Variants in GGCX observed in about 807,000 individuals in gnomAD.
GGCX encodes vitamin K-dependent gamma-carboxylase.
A neutral mutation model predicts 88.5 loss-of-function variants in GGCX; 63 were observed. The ratio of observed to expected loss-of-function variants is 0.71; its 90% CI spans 0.58 to 0.88. GGCX has a LOEUF of 0.88. Among genes scored for constraint, GGCX ranks in the 40% least tolerant of loss-of-function variants. The probability of loss-of-function intolerance (pLI) is 0.00; values close to 1 mark genes in which losing one functional copy is unlikely to be tolerated. For synonymous variants in GGCX, 368 were observed against 365.8 expected (o/e 1.01, Z -0.07); for missense variants, 805 against 932.9 (o/e 0.86, Z 1.79).
chr2:85,555,140 C>A (rs1301906604), intron 6 of GGCX: 4 of 277,036 alleles, frequency 1.4e-5, no homozygotes, highest in African/African-American at 6.6e-5. Flanking sequence ...AGCTGCAGGG[C>A]TCTGATGGGA....
At position 85,548,562 on chromosome 2, in the gene GGCX, A is replaced by C. The variant is rs1573315297; in HGVS notation, c.*1372T>G. 6.6e-6 allele frequency: 1 copy of C among 152,232 alleles called. No individual in the cohort carries two copies. The highest frequency in any genetic ancestry group is 1.9e-4 in the East Asian group (1 of 5,196). 9.4% of individuals were successfully genotyped at this position (152,232 alleles called of 1,614,324 possible). ...GAAAGAACCCCCGGAACACTGTCCA[A>C]GGAGGAGTGGGGGAGAGTATGGGAA... On this transcript the variant is annotated 3_prime_UTR_variant, in exon 15 of 15. Coordinates refer to ENST00000233838, the MANE Select transcript of GGCX (RefSeq NM_000821.7).
chr2:85,550,620 T>G lies in GGCX; in HGVS notation c.2019A>C (p.Arg673=). ...AGAATCGCTCATGGAAAGGAGTATT[T>G]CGCCGGCGTTCAATCTCCTGGAGCC... ...QQRLQEIERR[R]NTPFHERFFR... Residue 673 remains arginine, a synonymous_variant, in exon 14 of 15, where the codon CGA becomes CGC. Transcript: ENST00000233838. The G allele has an allele frequency of 6.2e-7, 1 of 1,614,062 alleles. No individual in the cohort carries two copies. Among genetic ancestry groups the G allele is most frequent in the African/African-American group, 1.3e-5 (1 of 75,060 alleles).
At position 85,545,681 on chromosome 2, in the gene GGCX, T is replaced by G. The variant is rs1691625865; in HGVS notation, c.*4253A>C. The G allele has an allele frequency of 6.6e-6, 1 of 151,004 alleles. No individual in the cohort carries two copies. The highest frequency in any genetic ancestry group is 2.5e-5 in the African/African-American group (1 of 40,286). 9.4% of individuals were successfully genotyped at this position (151,004 alleles called of 1,614,324 possible). A position where few individuals can be genotyped will look rare whatever the true frequency, so the allele number is the denominator to read the frequency against. On this transcript the variant is annotated 3_prime_UTR_variant, in exon 15 of 15. Transcript: ENST00000233838. ...TCAATGCCATTTTTAAGTTTTCAAC[T>G]AAGGTTGAGGGCTTCAAACCATTGA...
Position 85,547,483 on chromosome 2 carries a change from T to TAACA in GGCX, c.*2447_*2450dup, listed in dbSNP as rs1271147049. The TAACA allele has an allele frequency of 7.9e-5, 12 of 152,206 alleles. No individual in the cohort carries two copies. The highest frequency in any genetic ancestry group is 2.2e-4 in the African/African-American group (9 of 41,464). The allele number at this position is 152,206 out of a possible 1,614,324, so 9.4% of individuals were successfully genotyped here. A position where few individuals can be genotyped will look rare whatever the true frequency, so the allele number is the denominator to read the frequency against. On this transcript the variant is annotated 3_prime_UTR_variant, in exon 15 of 15. Coordinates refer to ENST00000233838, the MANE Select transcript of GGCX (RefSeq NM_000821.7). ...AAAATTGGTCAGAGAGGTGGTATAC[T>TAACA]AACAGTTTGGGGAAGGGCAGCATCC... is the stretch of plus-strand genomic sequence containing the variant.
Position 85,549,947 on chromosome 2 carries a change from T to A in GGCX, c.2264A>T (p.His755Leu). 6.2e-7 allele frequency: 1 copy of A among 1,612,246 alleles called. No homozygotes were observed. Among genetic ancestry groups the A allele is most frequent in the Non-Finnish European group, 8.5e-7 (1 of 1,178,690 alleles). The change falls in exon 15 of 15, where the codon CAC becomes CTC. Residue 755 changes from histidine (H) to leucine (L), a missense_variant. His to Leu is a moderately conservative substitution (Grantham distance 99). Around this residue, in one of 3 missense-constraint regions of GGCX, gnomAD observed 680 missense variants for 763.7 expected, o/e 0.89. Transcript: ENST00000233838. ...ATCTGGCCCCCTTCAGAACTCTGAGTGGACAGGATCAGGATTTGACTCAGG... is the reference window on the plus strand; with the variant it reads ...ATCTGGCCCCCTTCAGAACTCTGAGAGGACAGGATCAGGATTTGACTCAGG... The part of the protein sequence containing the change: ...NPPESNPDPV[H>L]SEF
At chr2:85,554,053 C>G in intron 7 of GGCX, 90 bp downstream of exon 7, 1 of 1,041,914 alleles carries the variant, frequency 9.6e-7, no homozygotes, top group South Asian at 1.3e-5. Context: ...CCTGCTCACA[C>G]CACCCTCTCC....
chr2:85,558,800 A>G, intron 3 of GGCX, 117 bp downstream of exon 3: 1 of 980,656 alleles, frequency 1.0e-6, no homozygotes, highest in East Asian at 2.4e-5. Flanking sequence ...GGTCAACAGC[A>G]TGAAATTGAT....
intron 6 of GGCX, chr2:85,555,194 C>T: frequency 2.8e-6 from 1 of 354,244 alleles, no homozygotes. Flanking sequence ...TCCAAGGCAG[C>T]TGCTGAGGGC....
intron 13 of GGCX, 28 bp from the exon 14 acceptor site, chr2:85,550,778 T>C: frequency 6.2e-7 from 1 of 1,606,592 alleles, no homozygotes; most frequent in East Asian, 2.2e-5. Flanking sequence ...AAAAGAGGAA[T>C]CACTGAGATG....
chr2:85,555,273 T>C, intron 6 of GGCX: 1 of 491,022 alleles, frequency 2.0e-6, no homozygotes, highest in Non-Finnish European at 3.7e-6. Context: ...TTTCCTTTCT[T>C]GCCTATCTAT....
In GGCX at chr2:85,549,923, T is replaced by C; in HGVS notation, c.*11A>G. 7 of 1,577,686 alleles carry C rather than the reference T, an allele frequency of 4.4e-6. No homozygotes were observed. The highest frequency in any genetic ancestry group is 5.2e-6 in the Non-Finnish European group (6 of 1,150,834). ...GCTGCTTCTACATCTGCACCCAACA[T>C]CTGGCCCCCTTCAGAACTCTGAGTG... On this transcript the variant is annotated 3_prime_UTR_variant, in exon 15 of 15. Transcript: ENST00000233838.
At chr2:85,560,309 G>C (rs909277195) in intron 2 of GGCX, among the ~76,000 whole-genome samples, 12 of 152,202 alleles carry the variant, frequency 7.9e-5, no homozygotes, top group African/African-American at 2.9e-4. Flanking sequence ...ATTTCTAGCT[G>C]GGTACGGTGG....
chr2:85,560,214 T>C (rs1017984165), intron 2 of GGCX, among the ~76,000 whole-genome samples: 2 of 152,206 alleles, frequency 1.3e-5, no homozygotes, highest in Non-Finnish European at 2.9e-5. Flanking sequence ...TGTGGCCCCC[T>C]GCTCTGTTTC....
Position 85,544,955 on chromosome 2 carries a change from C to G in GGCX, c.*4979G>C, listed in dbSNP as rs1425680790. On this transcript the variant is annotated 3_prime_UTR_variant, in exon 15 of 15. Coordinates refer to ENST00000233838, the MANE Select transcript of GGCX (RefSeq NM_000821.7). ...TTTAAAAGATTTTTTTTTTTTCTCT[C>G]AACACCATGATTCCTTTAACAACAT... 1 of 151,890 alleles carries G rather than the reference C, an allele frequency of 6.6e-6. No homozygotes were observed. Among genetic ancestry groups the G allele is most frequent in the Non-Finnish European group, 1.5e-5 (1 of 67,922 alleles). 9.4% of individuals were successfully genotyped at this position (151,890 alleles called of 1,614,324 possible).
chr2:85,545,330 C>G lies in GGCX; in HGVS notation c.*4604G>C, dbSNP rs1691603981. On this transcript the variant is annotated 3_prime_UTR_variant, in exon 15 of 15. Transcript: ENST00000233838. ...AGTGCTTTGGGGCCATAGGTACGTG[C>G]CTATAATCCCAACACTTTGAAAGGC... The G allele has an allele frequency of 6.6e-6, 1 of 152,578 alleles. No homozygotes were observed. Among genetic ancestry groups the G allele is most frequent in the African/African-American group, 2.4e-5 (1 of 41,426 alleles). 9.5% of individuals were successfully genotyped at this position (152,578 alleles called of 1,614,324 possible).
intron 6 of GGCX, chr2:85,555,165 G>A (rs1366638827): frequency 1.6e-5 from 5 of 309,528 alleles, no homozygotes; most frequent in Non-Finnish European, 2.5e-5. Context: ...AGAGTGGCAA[G>A]GCAAGGACAC....
rs187452629 is a variant in GGCX at position 85,548,213 on chromosome 2, C to G, written c.*1721G>C. The G allele has an allele frequency of 3.3e-5, 5 of 151,912 alleles. No individual in the cohort carries two copies. Among genetic ancestry groups the G allele is most frequent in the Non-Finnish European group, 7.4e-5 (5 of 67,988 alleles). The allele number at this position is 151,912 out of a possible 1,614,324, so 9.4% of individuals were successfully genotyped here. On this transcript the variant is annotated 3_prime_UTR_variant, in exon 15 of 15. Transcript: ENST00000233838. ...CCCTGTCTTTAAAAAAAAATAGATT[C>G]AAGAGGTATCCAGGAGGTAAAATTG...
intron 6 of GGCX, chr2:85,554,584 G>A: frequency 2.1e-6 from 1 of 476,446 alleles, no homozygotes; most frequent in Non-Finnish European, 3.9e-6. Context: ...TCCTGTCTCA[G>A]CCTCCGAAGT....
chr2:85,561,132 C>G (rs1348655958), intron 1 of GGCX, 147 bp from the exon 2 acceptor site: 1 of 753,748 alleles, frequency 1.3e-6, no homozygotes, highest in Non-Finnish European at 2.4e-6. Flanking sequence ...GGAAACATCC[C>G]TGCAGTGCAG....
Sources: allele counts gnomAD v4.1 joint callset (sites outside exome capture counted in the v4.1 genomes callset), GRCh38; gene constraint gnomAD v4.1.1; regional missense constraint gnomAD v4.1.1; transcripts MANE v1.5; gene names NCBI Gene and HGNC (gene_info 2026-07-23, HGNC 2026-07-21).